The following PCDHGA4 variants were observed in gnomAD, a reference collection of about 807,000 sequenced individuals.
PCDHGA4 encodes the protein protocadherin gamma subfamily A, 4.
Under a neutral mutation model 54.6 loss-of-function variants are expected in PCDHGA4, and 38 were observed. The ratio of observed to expected loss-of-function variants is 0.70; its 90% CI spans 0.54 to 0.91. PCDHGA4 has a LOEUF of 0.91. Ranked by LOEUF, PCDHGA4 falls within the 40% of genes least tolerant of loss-of-function variation. The pLI is 0.00. For synonymous variants in PCDHGA4, 511 were observed against 512.9 expected, an observed-to-expected ratio of 1.00 and a Z score of 0.05; for missense variants, 1,298 against 1,220.9, an observed-to-expected ratio of 1.06 and a Z score of -0.94.
At chr5:141,371,103 G>A in intron 1 of PCDHGA4, 1 of 1,613,826 alleles carries the variant, frequency 6.2e-7, no homozygotes, top group South Asian at 1.1e-5. Context: ...AGATGCAAAT[G>A]ATAACCCCCC....
At chr5:141,399,679 T>C (rs757165628) in intron 1 of PCDHGA4, 4 of 1,613,560 alleles carry the variant, frequency 2.5e-6, no homozygotes, top group South Asian at 2.2e-5. Flanking sequence ...CGCCTTTGAC[T>C]ACGAGCAGCT....
At position 141,432,289 on chromosome 5, in the gene PCDHGA4, C is replaced by A. The variant is rs762278053; in HGVS notation, c.2515-62518C>A. 2 of 1,614,148 alleles carry A rather than the reference C, an allele frequency of 1.2e-6. No individual in the cohort carries two copies. Among genetic ancestry groups the A allele is most frequent in the African/African-American group, 2.7e-5 (2 of 74,952 alleles). On this transcript the variant is annotated intron_variant, in intron 1 of 3. Coordinates refer to ENST00000571252, the MANE Select transcript of PCDHGA4 (RefSeq NM_018917.4). The surrounding 1 kb of genome is among the most constrained non-coding windows in gnomAD (Gnocchi z 6.0). ...CGTCCTACGTGTCCATCAACTCCGA[C>A]ACTGGGGTACTGTATGCGCTGAGCT...
chr5:141,472,980 C>CAAAAAAAAA (rs60579131), intron 1 of PCDHGA4, among the ~76,000 whole-genome samples: 30 of 86,054 alleles, frequency 3.5e-4, no homozygotes, highest in African/African-American at 5.0e-4. Context: ...GAGTGAAACT[C>CAAAAAAAAA]AAAAAAAAAA....
In PCDHGA4 at chr5:141,490,692, G is replaced by C. The variant is rs751109998; in HGVS notation, c.2515-4115G>C. 16 of 1,614,154 alleles carry C rather than the reference G, an allele frequency of 9.9e-6. 1 individual carries two copies. The Middle Eastern group carries it at 6.6e-4, about 67-fold the overall frequency. ...TGGCTGCCTCAGATCCAGACACTGG[G>C]GATAATGCCCGCCTCACCTACTCCA... On this transcript the variant is annotated intron_variant, in intron 1 of 3. Transcript: ENST00000571252. This position sits in a 1 kb window ranked among gnomAD's most constrained non-coding sequence, Gnocchi z 5.4.
At chr5:141,505,081 G>A (rs2099843521) in intron 2 of PCDHGA4, among the ~76,000 whole-genome samples, 3 of 152,146 alleles carry the variant, frequency 2.0e-5, no homozygotes, top group Admixed American at 2.0e-4. Flanking sequence ...AGAATCGCTT[G>A]AACCCAGGAG....
intron 2 of PCDHGA4, among the ~76,000 whole-genome samples, chr5:141,503,598 CAA>C (rs765754054): frequency 2.7e-4 from 18 of 65,718 alleles, no homozygotes; most frequent in Admixed American, 6.9e-4. Flanking sequence ...GACTCCAGCT[CAA>C]AAAAAAAAAA....
chr5:141,406,253 C>CA (rs2094783585), intron 1 of PCDHGA4, among the ~76,000 whole-genome samples: 1 of 151,976 alleles, frequency 6.6e-6, no homozygotes, highest in Admixed American at 6.6e-5. Flanking sequence ...AGACTGGTCT[C>CA]AAACGATCTT....
chr5:141,477,566 C>T lies in PCDHGA4; in HGVS notation c.2515-17241C>T, dbSNP rs749100730. On this transcript the variant is annotated intron_variant, in intron 1 of 3. Coordinates refer to ENST00000571252, the MANE Select transcript of PCDHGA4 (RefSeq NM_018917.4). The surrounding 1 kb of genome is among the most constrained non-coding windows in gnomAD (Gnocchi z 4.9). ...AATACTAAACCTAAGTGTCTGGGAC[C>T]CCGACGCCCCGCAGAATGCTCGGCT... The T allele has an allele frequency of 1.9e-6, 3 of 1,613,988 alleles. No homozygotes were observed. The highest frequency in any genetic ancestry group is 8.5e-7 in the Non-Finnish European group (1 of 1,180,032).
rs1212248484 is a variant in PCDHGA4 at position 141,393,163 on chromosome 5, T to C, written c.2514+35542T>C. ...CTGGTTGAGGATAAAGGAAAACTCT[T>C]TGGGGTAGAAATAGAAATAATTGAT... On this transcript the variant is annotated intron_variant, in intron 1 of 3. Transcript: ENST00000571252. 1.9e-6 allele frequency: 3 copies of C among 1,613,134 alleles called. No homozygotes were observed. In the Admixed American group the frequency reaches 5.0e-5, roughly 27 times the overall value.
At chr5:141,402,945 A>T (rs2094324619) in intron 1 of PCDHGA4, 2 of 1,593,720 alleles carry the variant, frequency 1.3e-6, no homozygotes, top group Admixed American at 3.6e-5. Flanking sequence ...TTCCAAAGCG[A>T]GGCAGCAATG....
intron 1 of PCDHGA4, chr5:141,365,766 C>T (rs6882138): frequency 0.023 from 36,892 of 1,613,774 alleles, 970 homozygotes; most frequent in African/African-American, 0.14. Context: ...GCCCATGACC[C>T]CGACAGCGGC....
rs751462834 is a variant in PCDHGA4, at chr5:141,360,533, T to C, written c.2514+2912T>C. The C allele has an allele frequency of 6.2e-6, 10 of 1,613,980 alleles. No homozygotes were observed. In the African/African-American group the frequency reaches 1.3e-4, roughly 22 times the overall value. The stretch of plus-strand genomic sequence containing the variant: ...GATATAAATGATAATACCCCGCTAT[T>C]CAAACAGACTAAGATTAATTTAAAA... On this transcript the variant is annotated intron_variant, in intron 1 of 3. Coordinates refer to ENST00000571252, the MANE Select transcript of PCDHGA4 (RefSeq NM_018917.4).
intron 1 of PCDHGA4, among the ~76,000 whole-genome samples, chr5:141,465,276 C>A (rs558169180): frequency 6.6e-6 from 1 of 152,254 alleles, no homozygotes; most frequent in South Asian, 2.1e-4. Context: ...CCATTTAGTT[C>A]ACCCCTAAAG....
intron 1 of PCDHGA4, chr5:141,379,293 A>G (rs1451053160): frequency 6.6e-6 from 1 of 152,248 alleles, no homozygotes; most frequent in Non-Finnish European, 1.5e-5. Context: ...CAAGTTTCCA[A>G]AGGTATATAC....
chr5:141,435,296 T>A (rs545583818), intron 1 of PCDHGA4, among the ~76,000 whole-genome samples: 44 of 152,328 alleles, frequency 2.9e-4, no homozygotes, highest in African/African-American at 9.9e-4. Context: ...AGTCATTTCA[T>A]GGTTTTAAAT....
At chr5:141,398,957 T>G (rs1307112913) in intron 1 of PCDHGA4, 1 of 1,613,868 alleles carries the variant, frequency 6.2e-7, no homozygotes, top group South Asian at 1.1e-5. Context: ...AACTCAGAAA[T>G]TACTTATTCC....
At position 141,486,059 on chromosome 5, in the gene PCDHGA4, C is replaced by T. The variant is rs141349392; in HGVS notation, c.2515-8748C>T. ...TCGTGTAAGAAACCTCTTTAGCCTG[C>T]ACCCCACTACTGGAAAGCTTACTCT... On this transcript the variant is annotated intron_variant, in intron 1 of 3. Transcript: ENST00000571252. The surrounding 1 kb of genome is among the most constrained non-coding windows in gnomAD (Gnocchi z 5.0). The T allele has an allele frequency of 9.0e-5, 146 of 1,614,034 alleles. No individual in the cohort carries two copies. The highest frequency in any genetic ancestry group is 1.2e-4 in the Non-Finnish European group (138 of 1,180,018).
intron 1 of PCDHGA4, chr5:141,479,772 G>A (rs904607838): frequency 1.3e-5 from 2 of 152,192 alleles, no homozygotes; most frequent in Non-Finnish European, 2.9e-5. Flanking sequence ...CATATCCTTA[G>A]ACAGGTAAAG....
chr5:141,441,041 C>T (rs2098220628), intron 1 of PCDHGA4: 1 of 152,152 alleles, frequency 6.6e-6, no homozygotes, highest in African/African-American at 2.4e-5. Context: ...ACTTTAAGTA[C>T]ATTGGACTTT....
Sources: gnomAD v4.1 joint callset for allele counts (sites outside exome capture counted in the v4.1 genomes callset) on GRCh38, gnomAD v4.1.1 for gene constraint, Gnocchi (gnomAD v3.1) non-coding constraint, MANE v1.5 for transcripts, NCBI Gene and HGNC (gene_info 2026-07-23, HGNC 2026-07-21) for gene names.